The following PRPF38B variants were observed in gnomAD, a reference collection of about 807,000 sequenced individuals.
PRPF38B encodes the protein pre-mRNA processing factor 38B.
A neutral mutation model predicts 67.2 loss-of-function variants in PRPF38B; 18 were observed. The ratio of observed to expected loss-of-function variants is 0.27; its 90% CI spans 0.19 to 0.40. PRPF38B has a LOEUF of 0.40. Ranked by LOEUF, PRPF38B falls within the 10% of genes least tolerant of loss-of-function variation. The pLI, the probability that PRPF38B is intolerant of heterozygous loss-of-function variation, is 1.00. For synonymous variants in PRPF38B, 246 were observed against 234.2 expected (o/e 1.05, Z -0.46); for missense variants, 544 against 684.9 (o/e 0.79, Z 2.30).
Position 108,699,072 on chromosome 1 carries a change from G to A in PRPF38B, c.783-90G>A, listed in dbSNP as rs538945606. The A allele has an allele frequency of 4.2e-5, 63 of 1,517,020 alleles. No homozygotes were observed. The African/African-American group carries it at 7.9e-4, about 19-fold the overall frequency. 94.0% of individuals were successfully genotyped at this position (1,517,020 alleles called of 1,614,324 possible). A position where few individuals can be genotyped will look rare whatever the true frequency, so the allele number is the denominator to read the frequency against. ...GACATGGCCTTAAGCTTGAGGACATGAATAAATAATGCTGTTGAAAGTTTT... is the reference window on the plus strand; with the variant it reads ...GACATGGCCTTAAGCTTGAGGACATAAATAAATAATGCTGTTGAAAGTTTT... On this transcript the variant is annotated intron_variant, in intron 5 of 5. Transcript: ENST00000370025.
chr1:108,701,381 A>T lies in PRPF38B; in HGVS notation c.*1361A>T, dbSNP rs1459603398. 6.6e-6 allele frequency: 1 copy of T among 152,458 alleles called. No homozygotes were observed. The highest frequency in any genetic ancestry group is 1.5e-5 in the Non-Finnish European group (1 of 68,036). 9.4% of individuals were successfully genotyped at this position (152,458 alleles called of 1,614,324 possible). ...AATAATCTTTATTAGAATACTTGAT[A>T]ATGGCAGTTCCCTTTGTCAGTGGTT... On this transcript the variant is annotated 3_prime_UTR_variant, in exon 6 of 6. Transcript: ENST00000370025.
chr1:108,696,560 GTGTT>G (rs1367158936), intron 4 of PRPF38B: 7 of 607,628 alleles, frequency 1.2e-5, no homozygotes, highest in African/African-American at 1.1e-4. Context: ...TTGTTTAAAT[GTGTT>G]TGGTAACTAT....
At position 108,700,030 on chromosome 1, in the gene PRPF38B, G is replaced by T. The variant is rs1660319198; in HGVS notation, c.*10G>T. ...AGATGAGACTGTGTGAAAATATTTT[G>T]TAAAAGTGGATCACATTGAATCCTA... On this transcript the variant is annotated 3_prime_UTR_variant, in exon 6 of 6. Coordinates refer to ENST00000370025, the MANE Select transcript of PRPF38B (RefSeq NM_018061.4). The T allele has an allele frequency of 1.3e-6, 2 of 1,571,898 alleles. No homozygotes were observed. The highest frequency in any genetic ancestry group is 1.7e-4 in the Middle Eastern group (1 of 5,842).
Position 108,700,172 on chromosome 1 carries a change from G to T in PRPF38B, c.*152G>T. 7.8e-7 allele frequency: 1 copy of T among 1,279,702 alleles called. No homozygotes were observed. The allele number at this position is 1,279,702 out of a possible 1,614,324, so 79.3% of individuals were successfully genotyped here. A position where few individuals can be genotyped will look rare whatever the true frequency, so the allele number is the denominator to read the frequency against. On this transcript the variant is annotated 3_prime_UTR_variant, in exon 6 of 6. Coordinates refer to ENST00000370025, the MANE Select transcript of PRPF38B (RefSeq NM_018061.4). ...CTCTTTCGTGTAGGGAAGTGCCTTT[G>T]TAATTCCATTTATTGCATTGGTGTT...
At position 108,699,952 on chromosome 1, in the gene PRPF38B, C is replaced by G; in HGVS notation, c.1573C>G (p.Arg525Gly). The part of the protein sequence containing the change: ...SKDQSDKHDR[R>G]RSQSIEQESQ... The stretch of plus-strand genomic sequence containing the variant: ...GGACCAGTCAGACAAACATGATCGT[C>G]GAAGGAGCCAAAGTATAGAACAAGA... The change falls in exon 6 of 6, where the codon CGA becomes GGA. Residue 525 changes from arginine to glycine, a missense_variant. Around this residue, in one of 5 missense-constraint regions of PRPF38B, gnomAD observed 387 missense variants for 386.1 expected, o/e 1.00. Transcript: ENST00000370025. 1.2e-6 allele frequency: 2 copies of G among 1,613,154 alleles called. No homozygotes were observed. The highest frequency in any genetic ancestry group is 1.1e-5 in the South Asian group (1 of 90,950).
chr1:108,700,889 G>A lies in PRPF38B; in HGVS notation c.*869G>A, dbSNP rs187616333. The A allele has an allele frequency of 3.9e-5, 6 of 152,474 alleles. No homozygotes were observed. In the East Asian group the frequency reaches 1.2e-3, roughly 29 times the overall value. The allele number at this position is 152,474 out of a possible 1,614,324, so 9.4% of individuals were successfully genotyped here. ...AATGGGGAGAGGGTGGGGCAGATGAGTAGAGAAACAGATTCAAGCCTCAAG... is the reference window on the plus strand; with the variant it reads ...AATGGGGAGAGGGTGGGGCAGATGAATAGAGAAACAGATTCAAGCCTCAAG... On this transcript the variant is annotated 3_prime_UTR_variant, in exon 6 of 6. Coordinates refer to ENST00000370025, the MANE Select transcript of PRPF38B (RefSeq NM_018061.4).
chr1:108,692,429 T>G lies in PRPF38B; in HGVS notation c.-163T>G, dbSNP rs1659388925. The G allele has an allele frequency of 2.5e-6, 2 of 792,144 alleles. No individual in the cohort carries two copies. Among genetic ancestry groups the G allele is most frequent in the Non-Finnish European group, 1.9e-6 (1 of 516,776 alleles). 49.1% of individuals were successfully genotyped at this position (792,144 alleles called of 1,614,324 possible). A position where few individuals can be genotyped will look rare whatever the true frequency, so the allele number is the denominator to read the frequency against. Reference sequence around the variant, plus strand: ...CTGCTCTTGGCCCGGGGTCATTTTGTCGGCGTCGGGTGCCCTCTCTTGCCC... The same window carrying G: ...CTGCTCTTGGCCCGGGGTCATTTTGGCGGCGTCGGGTGCCCTCTCTTGCCC... On this transcript the variant is annotated 5_prime_UTR_variant, in exon 1 of 6. Transcript: ENST00000370025.
rs754616201 is a variant in PRPF38B, at chr1:108,699,641, AAG to A, written c.1266_1267del (p.Lys424ThrfsTer3). The stretch of plus-strand genomic sequence containing the variant: ...AGAGATGACAAAAGAGATTCCAAGA[AAG>A]AGAAAAAACACAGTAGAAGCAGAAG... On this transcript the variant is annotated frameshift_variant, in exon 6 of 6. Coordinates refer to ENST00000370025, the MANE Select transcript of PRPF38B (RefSeq NM_018061.4). LOFTEE classifies it high-confidence loss of function. 3.8e-6 allele frequency: 6 copies of A among 1,561,626 alleles called. No individual in the cohort carries two copies. The highest frequency in any genetic ancestry group is 2.7e-5 in the African/African-American group (2 of 73,208).
Position 108,692,487 on chromosome 1 carries a change from G to A in PRPF38B, c.-105G>A. ...GCACAGCGAGGCGGCCCCTTCTCCC[G>A]ACGACGTTCGATGGAGTAGGGTCCC... On this transcript the variant is annotated 5_prime_UTR_variant, in exon 1 of 6. Coordinates refer to ENST00000370025, the MANE Select transcript of PRPF38B (RefSeq NM_018061.4). 8 of 1,326,536 alleles carry A rather than the reference G, an allele frequency of 6.0e-6. No individual in the cohort carries two copies. Among genetic ancestry groups the A allele is most frequent in the Non-Finnish European group, 8.0e-6 (8 of 1,000,684 alleles). 82.2% of individuals were successfully genotyped at this position (1,326,536 alleles called of 1,614,324 possible). A position where few individuals can be genotyped will look rare whatever the true frequency, so the allele number is the denominator to read the frequency against.
At position 108,692,752 on chromosome 1, in the gene PRPF38B, A is replaced by G; in HGVS notation, c.161A>G (p.Lys54Arg). The change falls in exon 1 of 6, where the codon AAG becomes AGG. Residue 54 changes from lysine (K) to arginine (R), a missense_variant. By Grantham distance (26) the Lys-to-Arg change is conservative (BLOSUM62 2). This residue lies in a region of PRPF38B where 26 missense variants were observed against 67.7 expected (regional missense o/e 0.38). Transcript: ENST00000370025. ...GTGCTCCCGCTCTGGGGCAACGAGA[A>G]GACCATGAACCTCAACCCCATGATC... ...GNVLPLWGNE[K>R]TMNLNPMILT... The G allele has an allele frequency of 6.2e-7, 1 of 1,614,100 alleles. No homozygotes were observed. The highest frequency in any genetic ancestry group is 8.5e-7 in the Non-Finnish European group (1 of 1,180,048).
intron 1 of PRPF38B, among the ~76,000 whole-genome samples, chr1:108,694,903 TATGATACTGTATCATCTTTG>T (rs371104851): frequency 0.011 from 1,649 of 152,292 alleles, 42 homozygotes; most frequent in African/African-American, 0.038. Flanking sequence ...TCTTAGCAAA[TATGATACTGTATCATCTTTG>T]ATGATACTTA....
rs1660223652 is a variant in PRPF38B at position 108,699,502 on chromosome 1, GGAAAT to G, written c.1127_1131del (p.Asn376ThrfsTer18). The G allele has an allele frequency of 6.3e-7, 1 of 1,578,488 alleles. No homozygotes were observed. The highest frequency in any genetic ancestry group is 8.6e-7 in the Non-Finnish European group (1 of 1,162,074). Reference sequence around the variant, plus strand: ...AGATCGTGACTATGATAAGGAAAGAGGAAATGAACGAGAAAAAGAGAGAGAGCGAT... The same window carrying G: ...AGATCGTGACTATGATAAGGAAAGAGGAACGAGAAAAAGAGAGAGAGCGAT... On this transcript the variant is annotated frameshift_variant, in exon 6 of 6. Transcript: ENST00000370025. LOFTEE classifies it high-confidence loss of function.
Position 108,696,198 on chromosome 1 carries a change from AGC to A in PRPF38B, c.497+6_497+7del. 1 of 1,613,036 alleles carries A rather than the reference AGC, an allele frequency of 6.2e-7. No individual in the cohort carries two copies. Among genetic ancestry groups the A allele is most frequent in the South Asian group, 1.1e-5 (1 of 90,874 alleles). On this transcript the variant is annotated splice_donor_5th_base_variant and intron_variant, in intron 3 of 5. Coordinates refer to ENST00000370025, the MANE Select transcript of PRPF38B (RefSeq NM_018061.4). ...CGCTTGGATTTATGTATATAAGGTGAGCGTACATTTATGTACATTTCCAGTAA... is the reference window on the plus strand; with the variant it reads ...CGCTTGGATTTATGTATATAAGGTGAGTACATTTATGTACATTTCCAGTAA...
rs763840584 is a variant in PRPF38B, at chr1:108,698,837, C to G, written c.782+10C>G. On this transcript the variant is annotated intron_variant, in intron 5 of 5. Transcript: ENST00000370025. ...AACGCAGACGTTCAAGGTAATGTCA[C>G]TCTTGAATTATGCTTATTTTTCATA... 5 of 1,589,410 alleles carry G rather than the reference C, an allele frequency of 3.1e-6. No homozygotes were observed. The highest frequency in any genetic ancestry group is 1.3e-5 in the African/African-American group (1 of 74,200).
In PRPF38B at chr1:108,699,704, G is replaced by C. The variant is rs1660256084; in HGVS notation, c.1325G>C (p.Arg442Thr). ...ERKHRSRSRS[R>T]NAGKRSRSRS... ...AAACACAGAAGTAGGAGTCGAAGTA[G>C]AAATGCAGGGAAACGAAGTAGAAGT... The change falls in exon 6 of 6, where the codon AGA (arginine) becomes ACA (threonine). Residue 442 changes from arginine to threonine, a missense_variant. Transcript: ENST00000370025. 1.2e-6 allele frequency: 2 copies of C among 1,610,344 alleles called. No individual in the cohort carries two copies.
rs1487577933 is a variant in PRPF38B, at chr1:108,699,333, C to T, written c.954C>T (p.Ser318=). 6.2e-7 allele frequency: 1 copy of T among 1,613,898 alleles called. No individual in the cohort carries two copies. The highest frequency in any genetic ancestry group is 8.5e-7 in the Non-Finnish European group (1 of 1,179,988). ...AKEREKERRR[S]RSIDRGLERR... is the part of the protein sequence containing the mutation. ...AAAGGGAGAAAGAACGGCGAAGATC[C>T]CGAAGTATTGACCGGGGGTTAGAAC... The change falls in exon 6 of 6, where the codon TCC becomes TCT. Residue 318 remains serine (S), a synonymous_variant. Transcript: ENST00000370025.
Position 108,699,173 on chromosome 1 carries a change from G to C in PRPF38B, c.794G>C (p.Arg265Thr). Residue 265 changes from arginine to threonine, a missense_variant, in exon 6 of 6, where the codon AGA becomes ACA. This residue lies in a region of PRPF38B where 387 missense variants were observed against 386.1 expected (regional missense o/e 1.00). Transcript: ENST00000370025. ...VERRRSRSPR[R>T]SLSPRRSPRR... Reference sequence around the variant, plus strand: ...TCCGCCTTCCTTAGGTCTCCAAGGAGATCTCTGAGTCCACGGAGGTCCCCA... The same window carrying C: ...TCCGCCTTCCTTAGGTCTCCAAGGACATCTCTGAGTCCACGGAGGTCCCCA... 1 of 1,606,228 alleles carries C rather than the reference G, an allele frequency of 6.2e-7. No individual in the cohort carries two copies.
rs910370201 is a variant in PRPF38B, at chr1:108,692,402, G to A, written c.-190G>A. 1 of 652,740 alleles carries A rather than the reference G, an allele frequency of 1.5e-6. No homozygotes were observed. 40.4% of individuals were successfully genotyped at this position (652,740 alleles called of 1,614,324 possible). On this transcript the variant is annotated 5_prime_UTR_variant, in exon 1 of 6. Coordinates refer to ENST00000370025, the MANE Select transcript of PRPF38B (RefSeq NM_018061.4). Reference sequence around the variant, plus strand: ...GAGTTCTCGCGGTCTGGGTTTCGCTGTCTGCTCTTGGCCCGGGGTCATTTT... The same window carrying A: ...GAGTTCTCGCGGTCTGGGTTTCGCTATCTGCTCTTGGCCCGGGGTCATTTT...
Position 108,699,367 on chromosome 1 carries a change from A to G in PRPF38B, c.988A>G (p.Ser330Gly). Residue 330 changes from serine (S) to glycine (G), a missense_variant, in exon 6 of 6, where the codon AGC becomes GGC. Physicochemically the swap from Ser to Gly is moderately conservative, Grantham distance 56. Transcript: ENST00000370025. ...SIDRGLERRR[S>G]RSRERHRSRS... is the part of the protein sequence containing the mutation. Reference sequence around the variant, plus strand: ...TGACCGGGGGTTAGAACGCAGGCGCAGCAGAAGTAGGGAAAGGCATAGAAG... The same window carrying G: ...TGACCGGGGGTTAGAACGCAGGCGCGGCAGAAGTAGGGAAAGGCATAGAAG... 1 of 1,614,218 alleles carries G rather than the reference A, an allele frequency of 6.2e-7. No homozygotes were observed. The highest frequency in any genetic ancestry group is 1.3e-5 in the African/African-American group (1 of 75,050).
Sources: allele counts gnomAD v4.1 joint callset (sites outside exome capture counted in the v4.1 genomes callset), GRCh38; gene constraint gnomAD v4.1.1; regional missense constraint gnomAD v4.1.1; transcripts MANE v1.5; gene names NCBI Gene and HGNC (gene_info 2026-07-23, HGNC 2026-07-21).